RBBP6: variants seen among roughly 807,000 people sequenced by gnomAD.
RBBP6 encodes the protein RB binding protein 6, ubiquitin ligase.
In RBBP6, 25 loss-of-function variants were observed where a neutral mutation model predicts 167.7. The observed-to-expected ratio is 0.15, with a 90% CI of 0.11 to 0.21. The LOEUF is 0.21. Among genes scored for constraint, RBBP6 ranks in the 10% least tolerant of loss-of-function variants. RBBP6 has a pLI of 1.00. For missense variants in RBBP6, 1,868 were observed against 2,134.2 expected (o/e 0.88, Z 2.46); for synonymous variants, 789 against 735.8 (o/e 1.07, Z -1.17).
At position 24,571,521 on chromosome 16, in the gene RBBP6, C is replaced by G. The variant is rs1899335158; in HGVS notation, c.4455C>G (p.Ser1485=). The change falls in exon 18 of 18, where the codon TCC becomes TCG. Residue 1485 remains serine (S), a synonymous_variant. Coordinates refer to ENST00000319715, the MANE Select transcript of RBBP6 (RefSeq NM_006910.5). ...ATGACACCAGAGAGTATTCAAGTTC[C>G]AAACGTAGAGATGAAAAGAATGAAT... ...TDYDTREYSS[S]KRRDEKNELT... 1.9e-6 allele frequency: 3 copies of G among 1,613,268 alleles called. No homozygotes were observed. Among genetic ancestry groups the G allele is most frequent in the Middle Eastern group, 1.6e-4 (1 of 6,082 alleles).
Position 24,540,575 on chromosome 16 carries a change from A to G in RBBP6, c.-52A>G, listed in dbSNP as rs1207877257. 3.9e-6 allele frequency: 6 copies of G among 1,522,586 alleles called. No homozygotes were observed. Among genetic ancestry groups the G allele is most frequent in the African/African-American group, 1.4e-5 (1 of 71,912 alleles). The allele number at this position is 1,522,586 out of a possible 1,614,324, so 94.3% of individuals were successfully genotyped here. On this transcript the variant is annotated 5_prime_UTR_variant, in exon 1 of 18. Transcript: ENST00000319715. ...GCTCTTAAAGTTTATAAATATACGT[A>G]TATTGAGAGTGTCCACGTCTCCTCG...
chr16:24,560,662 G>A (rs992189395), intron 8 of RBBP6, among the ~76,000 whole-genome samples: 3 of 152,074 alleles, frequency 2.0e-5, no homozygotes, highest in African/African-American at 7.3e-5. Context: ...ATATTTGGGG[G>A]CAAGAAAACA....
chr16:24,567,612 T>A, intron 15 of RBBP6, 107 bp downstream of exon 15: 1 of 1,386,362 alleles, frequency 7.2e-7, no homozygotes, highest in Non-Finnish European at 9.7e-7. Context: ...GTATGAGAAA[T>A]TCACCTAAAA....
chr16:24,567,932 G>A lies in RBBP6; in HGVS notation c.2054+39G>A, dbSNP rs554707397. 8 of 1,516,840 alleles carry A rather than the reference G, an allele frequency of 5.3e-6. No homozygotes were observed. The African/African-American group carries it at 9.7e-5, about 18-fold the overall frequency. The allele number at this position is 1,516,840 out of a possible 1,614,324, so 94.0% of individuals were successfully genotyped here. A position where few individuals can be genotyped will look rare whatever the true frequency, so the allele number is the denominator to read the frequency against. On this transcript the variant is annotated intron_variant, in intron 16 of 17. Transcript: ENST00000319715. ...AAGCCTTCACAACAGAATTACAAAC[G>A]GGACTTTGAATATCCAGGGATTAGC...
chr16:24,542,456 C>CCT (rs1567269425), intron 1 of RBBP6, among the ~76,000 whole-genome samples: 1 of 108,996 alleles, frequency 9.2e-6, no homozygotes. Flanking sequence ...TTGAATGCAG[C>CCT]TTTTTTTTTT....
At chr16:24,558,555 GA>G in intron 7 of RBBP6, 4 of 887,430 alleles carry the variant, frequency 4.5e-6, no homozygotes, top group Non-Finnish European at 5.4e-6. Flanking sequence ...CTGTACAGCC[GA>G]GATTCTTTCA....
chr16:24,546,120 C>G (rs773043315), intron 1 of RBBP6, 43 bp from the exon 2 acceptor site: 1 of 1,536,194 alleles, frequency 6.5e-7, no homozygotes, highest in East Asian at 2.4e-5. Flanking sequence ...GTTACGCACT[C>G]AAATCCCCAA....
At chr16:24,564,647 A>T in intron 13 of RBBP6, 150 bp from the exon 14 acceptor site, 1 of 990,182 alleles carries the variant, frequency 1.0e-6, no homozygotes, top group Non-Finnish European at 1.4e-6. Context: ...ATATTTACTC[A>T]GCTCTGTATC....
intron 3 of RBBP6, among the ~76,000 whole-genome samples, chr16:24,550,801 A>G (rs1207272763): frequency 6.6e-6 from 1 of 151,682 alleles, no homozygotes; most frequent in Non-Finnish European, 1.5e-5. Flanking sequence ...AAATAGAGAT[A>G]TTAGATAACC....
At chr16:24,553,810 T>C (rs1898854367) in intron 4 of RBBP6, 3 of 252,700 alleles carry the variant, frequency 1.2e-5, no homozygotes, top group African/African-American at 2.2e-5. Flanking sequence ...TTATTTTTTT[T>C]CCCTCATACA....
At chr16:24,541,192 ACAAAAAAAAAAC>A (rs772848880) in intron 1 of RBBP6, among the ~76,000 whole-genome samples, 2,674 of 131,954 alleles carry the variant, frequency 0.02, 122 homozygotes, top group Admixed American at 0.03. Flanking sequence ...AAAAAAAAAA[ACAAAAAAAAAAC>A]CAAAAAAACA....
intron 1 of RBBP6, among the ~76,000 whole-genome samples, chr16:24,541,077 G>A (rs1451325460): frequency 1.3e-5 from 2 of 151,296 alleles, no homozygotes; most frequent in East Asian, 1.9e-4. Flanking sequence ...GAGGAGAGGG[G>A]GATAGCTATC....
At chr16:24,564,034 T>G (rs1899136085) in intron 13 of RBBP6, among the ~76,000 whole-genome samples, 1 of 152,164 alleles carries the variant, frequency 6.6e-6, no homozygotes, top group South Asian at 2.1e-4. Context: ...TTTTCTACCC[T>G]TAATTTGGAT....
At chr16:24,549,205 A>T (rs1898739151) in intron 3 of RBBP6, 10 of 1,415,028 alleles carry the variant, frequency 7.1e-6, no homozygotes, top group Non-Finnish European at 9.2e-6. Flanking sequence ...ACTGTTTCAT[A>T]TTAAATATGA....
At chr16:24,541,164 CTTGT>C (rs1898476097) in intron 1 of RBBP6, among the ~76,000 whole-genome samples, 1 of 117,766 alleles carries the variant, frequency 8.5e-6, no homozygotes, top group African/African-American at 3.4e-5. Context: ...CTGTGCAAAG[CTTGT>C]TTGTTCAATC....
At chr16:24,542,775 A>G (rs1898536756) in intron 1 of RBBP6, among the ~76,000 whole-genome samples, 1 of 152,186 alleles carries the variant, frequency 6.6e-6, no homozygotes, top group Non-Finnish European at 1.5e-5. Flanking sequence ...GGTAAGTTAT[A>G]GTTAAAAGAA....
intron 1 of RBBP6, among the ~76,000 whole-genome samples, chr16:24,545,010 T>G (rs889976097): frequency 6.6e-6 from 1 of 152,194 alleles, no homozygotes; most frequent in Non-Finnish European, 1.5e-5. Flanking sequence ...CCTGGATTTT[T>G]TAGCAGCCTG....
At chr16:24,542,906 A>G (rs116980646) in intron 1 of RBBP6, among the ~76,000 whole-genome samples, 1,943 of 152,206 alleles carry the variant, frequency 0.013, 27 homozygotes, top group Non-Finnish European at 0.02. Flanking sequence ...TGCCCAGCAC[A>G]TTTTCTTTTT....
chr16:24,548,661 T>C (rs1307405897), intron 2 of RBBP6, among the ~76,000 whole-genome samples: 2 of 152,228 alleles, frequency 1.3e-5, no homozygotes, highest in East Asian at 3.8e-4. Flanking sequence ...AAAATCCCTA[T>C]ACTACCTTTC....
Sources: gnomAD v4.1 joint callset for allele counts (sites outside exome capture counted in the v4.1 genomes callset) on GRCh38, gnomAD v4.1.1 for gene constraint, MANE v1.5 for transcripts, NCBI Gene and HGNC (gene_info 2026-07-23, HGNC 2026-07-21) for gene names.